The following IFT52 variants were observed in gnomAD, a reference collection of about 807,000 sequenced individuals.
The protein encoded by IFT52 is intraflagellar transport protein 52 homolog.
IFT52 carries 44 observed loss-of-function variants against 54.4 expected under a neutral mutation model. The observed-to-expected ratio is 0.81, with a 90% CI of 0.63 to 1.04. The LOEUF (loss-of-function observed/expected upper bound fraction) is 1.04, where lower values mean the gene tolerates loss of function less well. Ranked by LOEUF, IFT52 falls within the 50% of genes least tolerant of loss-of-function variation. The probability of loss-of-function intolerance (pLI) is 0.00; values close to 1 mark genes in which losing one functional copy is unlikely to be tolerated. For missense variants in IFT52, 452 were observed against 523.6 expected (o/e 0.86, Z 1.33); for synonymous variants, 181 against 185.3 (o/e 0.98, Z 0.19).
chr20:43,629,627 A>T (rs1985023290), intron 10 of IFT52, among the ~76,000 whole-genome samples: 1 of 152,148 alleles, frequency 6.6e-6, no homozygotes, highest in African/African-American at 2.4e-5. Flanking sequence ...GCCTGCAAAT[A>T]CTACCACATT....
chr20:43,617,184 T>A (rs1425701947), intron 7 of IFT52, among the ~76,000 whole-genome samples: 1 of 152,216 alleles, frequency 6.6e-6, no homozygotes, highest in Non-Finnish European at 1.5e-5. Context: ...TAATTTTTTG[T>A]GACTATAACT....
chr20:43,593,500 T>G (rs1385539533), intron 1 of IFT52, among the ~76,000 whole-genome samples: 1 of 152,246 alleles, frequency 6.6e-6, no homozygotes, highest in Non-Finnish European at 1.5e-5. Flanking sequence ...ATAAAAGATG[T>G]CAGCCAGTAG....
intron 3 of IFT52, among the ~76,000 whole-genome samples, chr20:43,602,664 A>G (rs1982554495): frequency 6.6e-6 from 1 of 150,496 alleles, no homozygotes; most frequent in Non-Finnish European, 1.5e-5. Context: ...GCATACCACC[A>G]CGCCTGGCTA....
At chr20:43,625,277 AAGAT>A (rs1487081064) in intron 10 of IFT52, among the ~76,000 whole-genome samples, 1 of 152,056 alleles carries the variant, frequency 6.6e-6, no homozygotes, top group Admixed American at 6.6e-5. Flanking sequence ...TTGGGAGGCC[AAGAT>A]GGGAAGATCG....
chr20:43,608,715 G>A (rs912165300), intron 6 of IFT52, among the ~76,000 whole-genome samples: 9 of 152,014 alleles, frequency 5.9e-5, no homozygotes, highest in African/African-American at 2.2e-4. Flanking sequence ...GACCAGCTTG[G>A]GCAACATGGC....
At position 43,639,900 on chromosome 20, in the gene IFT52, G is replaced by A. The variant is rs1985798962; in HGVS notation, c.1121-2579G>A. The stretch of plus-strand genomic sequence containing the variant: ...CTGTTAAAAGAAAAATGTAGCCTGG[G>A]TGCGATGGCTCACACCTATAATCCC... On this transcript the variant is annotated intron_variant, in intron 12 of 13. Transcript: ENST00000373030. 2.0e-5 allele frequency among the ~76,000 whole-genome samples: 3 copies of A among 152,086 alleles called. No individual in the cohort carries two copies. In the South Asian group the frequency reaches 6.2e-4, roughly 32 times the overall value.
chr20:43,598,286 G>C (rs1457951486), intron 3 of IFT52, among the ~76,000 whole-genome samples: 1 of 152,220 alleles, frequency 6.6e-6, no homozygotes, highest in Admixed American at 6.5e-5. Flanking sequence ...GTGGTTGCCA[G>C]GGCCTGGGGG....
At chr20:43,595,569 C>T (rs1981888486) in intron 2 of IFT52, among the ~76,000 whole-genome samples, 1 of 151,260 alleles carries the variant, frequency 6.6e-6, no homozygotes, top group Non-Finnish European at 1.5e-5. Context: ...AAACATTATT[C>T]AGAATGAAAT....
At position 43,619,852 on chromosome 20, in the gene IFT52, G is replaced by A. The variant is rs368930857; in HGVS notation, c.699+826G>A. Among the ~76,000 whole-genome samples the A allele has an allele frequency of 1.3e-4, 19 of 151,408 alleles. 1 individual carries two copies. Among genetic ancestry groups the A allele is most frequent in the African/African-American group, 3.9e-4 (16 of 41,284 alleles). On this transcript the variant is annotated intron_variant, in intron 8 of 13. Coordinates refer to ENST00000373030, the MANE Select transcript of IFT52 (RefSeq NM_016004.5). ...AGATTGATAAAGATCTTATTTCTGTGGAATTTACATGAAGTTTCAATGTCT... is the reference window on the plus strand; with the variant it reads ...AGATTGATAAAGATCTTATTTCTGTAGAATTTACATGAAGTTTCAATGTCT...
chr20:43,635,175 A>AAG (rs79703312), intron 10 of IFT52, among the ~76,000 whole-genome samples: 1 of 116,868 alleles, frequency 8.6e-6, no homozygotes, highest in African/African-American at 3.1e-5. Context: ...CTCCAAAAAA[A>AAG]AGAGAGAGAG....
chr20:43,610,805 G>T (rs1026958585), intron 6 of IFT52, among the ~76,000 whole-genome samples: 1 of 152,144 alleles, frequency 6.6e-6, no homozygotes, highest in African/African-American at 2.4e-5. Flanking sequence ...TATCCAACTG[G>T]TATAGGTAAA....
intron 2 of IFT52, among the ~76,000 whole-genome samples, chr20:43,595,316 C>CAAAAAAAA (rs34012263): frequency 1.6e-5 from 1 of 62,918 alleles, no homozygotes; most frequent in African/African-American, 6.6e-5. Flanking sequence ...GACTCCGTCT[C>CAAAAAAAA]AAAAAAAAAA....
Position 43,596,484 on chromosome 20 carries a change from A to G in IFT52, c.169A>G (p.Ile57Val). The G allele has an allele frequency of 2.5e-6, 4 of 1,608,064 alleles. No individual in the cohort carries two copies. Among genetic ancestry groups the G allele is most frequent in the African/African-American group, 1.3e-5 (1 of 74,938 alleles). Reference protein sequence around the residue: ...SEKLNGVKLWITAGPREKFTA... With the variant: ...SEKLNGVKLWVTAGPREKFTA... ...GAAGTTAAATGGAGTGAAACTGTGGATTACAGCTGGGCCAAGGGAAAAATT... is the reference window on the plus strand; with the variant it reads ...GAAGTTAAATGGAGTGAAACTGTGGGTTACAGCTGGGCCAAGGGAAAAATT... The change falls in exon 3 of 14, where the codon ATT becomes GTT. Residue 57 changes from isoleucine (I) to valine (V), a missense_variant. Ile to Val is a conservative substitution (Grantham distance 29). Coordinates refer to ENST00000373030, the MANE Select transcript of IFT52 (RefSeq NM_016004.5).
chr20:43,644,912 G>T lies in IFT52; in HGVS notation c.1267-2024G>T, dbSNP rs568858577. ...ACTTGAGGTCAGGAATTCGAGACCA[G>T]CCTGGCCAACATGGTGAAACCCCAT... On this transcript the variant is annotated intron_variant, in intron 13 of 13. Transcript: ENST00000373030. 8.7e-5 allele frequency among the ~76,000 whole-genome samples: 5 copies of T among 57,356 alleles called. 2 individuals are homozygous for T. Among genetic ancestry groups the T allele is most frequent in the African/African-American group, 2.5e-4 (5 of 19,848 alleles). The allele number at this position is 57,356 out of a possible 152,430, so 37.6% of individuals were successfully genotyped here.
Position 43,644,130 on chromosome 20 carries a change from T to G in IFT52, c.1266+1506T>G, listed in dbSNP as rs183514549. 6.6e-3 allele frequency among the ~76,000 whole-genome samples: 364 copies of G among 55,056 alleles called. 144 individuals are homozygous for G. Among genetic ancestry groups the G allele is most frequent in the African/African-American group, 0.019 (350 of 18,074 alleles). The allele number at this position is 55,056 out of a possible 152,430, so 36.1% of individuals were successfully genotyped here. A position where few individuals can be genotyped will look rare whatever the true frequency, so the allele number is the denominator to read the frequency against. On this transcript the variant is annotated intron_variant, in intron 13 of 13. Transcript: ENST00000373030. ...TCAAAAAAAAAAGAAAAAGAAATCA[T>G]CTTTCTCTGACTGAGGACCAAGAAC...
chr20:43,607,914 G>C (rs1199991643), intron 6 of IFT52, among the ~76,000 whole-genome samples: 5 of 152,220 alleles, frequency 3.3e-5, no homozygotes, highest in African/African-American at 1.2e-4. Context: ...GGAGGCCGAG[G>C]CTGGGGGATC....
intron 12 of IFT52, among the ~76,000 whole-genome samples, chr20:43,641,657 C>G (rs1421304912): frequency 6.6e-6 from 1 of 151,692 alleles, no homozygotes; most frequent in Non-Finnish European, 1.5e-5. Flanking sequence ...CCATGCCCGG[C>G]TAATTTTTTT....
At chr20:43,642,682 T>A (rs1443543306) in intron 13 of IFT52, 58 bp downstream of exon 13, 1 of 1,522,192 alleles carries the variant, frequency 6.6e-7, no homozygotes, top group East Asian at 2.3e-5. Flanking sequence ...GTATCTTCCA[T>A]GGACTGTGCT....
At chr20:43,610,182 C>T (rs6030981) in intron 6 of IFT52, among the ~76,000 whole-genome samples, 114,333 of 146,806 alleles carry the variant, frequency 0.78, 44,793 homozygotes, top group Non-Finnish European at 0.81. Flanking sequence ...ATCCCAGTTA[C>T]TCGGGAGGCT....
Sources: gnomAD v4.1 joint callset for allele counts (sites outside exome capture counted in the v4.1 genomes callset) on GRCh38, gnomAD v4.1.1 for gene constraint, MANE v1.5 for transcripts, NCBI Gene and HGNC (gene_info 2026-07-23, HGNC 2026-07-21) for gene names.